The following ATP10B variants were observed in gnomAD, a reference collection of about 807,000 sequenced individuals.
ATP10B encodes the protein ATPase phospholipid transporting 10B (putative), also known as phospholipid-transporting ATPase VB.
ATP10B carries 122 observed loss-of-function variants against 141.2 expected under a neutral mutation model. The observed-to-expected ratio is 0.86, with a 90% CI of 0.75 to 1.00. The LOEUF is 1.00. ATP10B is among the 50% of genes least tolerant of loss of function. ATP10B has a pLI of 0.00. For synonymous variants in ATP10B, 685 were observed against 692.0 expected (o/e 0.99, Z 0.16); for missense variants, 1,876 against 1,825.3 (o/e 1.03, Z -0.51).
chr5:160,636,445 C>CTGTG (rs147139408), intron 10 of ATP10B, 136 bp from the exon 11 acceptor site: 1 of 823,140 alleles, frequency 1.2e-6, no homozygotes, highest in East Asian at 2.9e-5. Flanking sequence ...CAATGTAGCT[C>CTGTG]TGTGTGTGTG....
At chr5:160,601,998 T>A (rs1379359215) in intron 21 of ATP10B, among the ~76,000 whole-genome samples, 1 of 152,232 alleles carries the variant, frequency 6.6e-6, no homozygotes, top group Non-Finnish European at 1.5e-5. Flanking sequence ...TGCACTGAGC[T>A]GGCTCTATAT....
chr5:160,897,603 G>T, the ATP10B span, among the ~76,000 whole-genome samples: 3 of 152,156 alleles, frequency 2.0e-5, no homozygotes, highest in African/African-American at 7.2e-5. Context: ...TCATGCAAAT[G>T]GCCATACTGC....
At chr5:160,704,257 A>G (rs1321060246) in intron 3 of ATP10B, among the ~76,000 whole-genome samples, 1 of 151,956 alleles carries the variant, frequency 6.6e-6, no homozygotes, top group East Asian at 1.9e-4. Context: ...ACAGTTGCCT[A>G]TGTTGCCTAG....
intron 1 of ATP10B, among the ~76,000 whole-genome samples, chr5:160,815,660 G>C (rs979726242): frequency 6.6e-6 from 1 of 152,042 alleles, no homozygotes; most frequent in African/African-American, 2.4e-5. Flanking sequence ...TGCACCAAGT[G>C]GACCTAATAG....
At chr5:160,824,879 G>T (rs186207853) in intron 1 of ATP10B, among the ~76,000 whole-genome samples, 2 of 152,122 alleles carry the variant, frequency 1.3e-5, no homozygotes, top group African/African-American at 4.8e-5. Context: ...GTCCCAATCC[G>T]CCAATTGCTA....
In ATP10B at chr5:160,670,667, T is replaced by G; in HGVS notation, c.471A>C (p.Arg157Ser). The G allele has an allele frequency of 6.2e-7, 1 of 1,612,904 alleles. No individual in the cohort carries two copies. The highest frequency in any genetic ancestry group is 8.5e-7 in the Non-Finnish European group (1 of 1,179,558). Reference sequence around the variant, plus strand: ...ACTTCTGCACATAGGTCTGCTCTTTTCTTGGGTGAGAGAAAGACAGGGTGT... The same window carrying G: ...ACTTCTGCACATAGGTCTGCTCTTTGCTTGGGTGAGAGAAAGACAGGGTGT... ...INCSNIRIYE[R>S]KEQTYVQKCW... The change falls in exon 7 of 26, where the codon AGA (arginine) becomes AGC (serine). Residue 157 changes from arginine to serine, a missense_variant and splice_region_variant. Transcript: ENST00000327245.
chr5:160,573,768 G>T lies in ATP10B; in HGVS notation c.3751-4085C>A, dbSNP rs374105279. 7.4e-3 allele frequency among the ~76,000 whole-genome samples: 1,122 copies of T among 152,272 alleles called. 19 individuals carry two copies. Among genetic ancestry groups the T allele is most frequent in the African/African-American group, 0.024 (1,012 of 41,552 alleles). On this transcript the variant is annotated intron_variant, in intron 24 of 25. Coordinates refer to ENST00000327245, the MANE Select transcript of ATP10B (RefSeq NM_025153.3). ...CTTCTGTGGTCCCTGGTGCCAAAAA[G>T]GTTGGGGACCACTGCTTTAAAATTT...
intron 2 of ATP10B, among the ~76,000 whole-genome samples, chr5:160,775,012 C>A (rs921005617): frequency 6.6e-6 from 1 of 152,216 alleles, no homozygotes; most frequent in African/African-American, 2.4e-5. Flanking sequence ...ACCCACCAGG[C>A]TCCTATGGAG....
intron 2 of ATP10B, among the ~76,000 whole-genome samples, chr5:160,758,384 T>C (rs1283098599): frequency 2.0e-5 from 3 of 152,186 alleles, no homozygotes; most frequent in African/African-American, 7.2e-5. Context: ...TACTACATAC[T>C]TGATACATGG....
intron 4 of ATP10B, 74 bp from the exon 5 acceptor site, chr5:160,688,168 C>T: frequency 6.8e-7 from 1 of 1,465,338 alleles, no homozygotes; most frequent in Non-Finnish European, 9.2e-7. Context: ...TCTCCCCCAT[C>T]CATGCAGGGT....
At chr5:160,585,051 T>C (rs1755800514) in intron 24 of ATP10B, among the ~76,000 whole-genome samples, 2 of 152,352 alleles carry the variant, frequency 1.3e-5, no homozygotes, top group African/African-American at 4.8e-5. Flanking sequence ...TTGATAAATT[T>C]TCATTCTCAA....
intron 2 of ATP10B, among the ~76,000 whole-genome samples, chr5:160,726,657 AGGGGAGGAGGAAGGAGTAGGG>A (rs1040485208): frequency 6.4e-4 from 55 of 85,972 alleles, no homozygotes; most frequent in Non-Finnish European, 1.2e-3. Flanking sequence ...TGGGGGAAGA[AGGGGAGGAGGAAGGAGTAGGG>A]GGGGAGGAGG....
At chr5:160,881,089 CAAG>C in the ATP10B span, among the ~76,000 whole-genome samples, 1 of 152,048 alleles carries the variant, frequency 6.6e-6, no homozygotes, top group Non-Finnish European at 1.5e-5. Flanking sequence ...TAAAAATCAA[CAAG>C]AAAGCAAGCA....
intron 22 of ATP10B, among the ~76,000 whole-genome samples, chr5:160,593,375 A>G (rs923768936): frequency 3.3e-5 from 5 of 152,240 alleles, no homozygotes; most frequent in African/African-American, 1.2e-4. Flanking sequence ...TTAGAAGGAA[A>G]ACTAACAAAT....
rs1439840167 is a variant in ATP10B at position 160,687,804 on chromosome 5, G to A, written c.271C>T (p.His91Tyr). ...FLPRNLFEQF[H>Y]RWANLYFLFL... is the part of the protein sequence containing the mutation. Reference sequence around the variant, plus strand: ...TTCAGACAAGTGGATCTCTACCTATGAAATTGCTCAAAGAGATTCCGGGGC... The same window carrying A: ...TTCAGACAAGTGGATCTCTACCTATAAAATTGCTCAAAGAGATTCCGGGGC... Residue 91 changes from histidine (H) to tyrosine (Y), a missense_variant, in exon 5 of 26, where the codon CAT (histidine) becomes TAT (tyrosine). By Grantham distance (83) the His-to-Tyr change is moderately conservative. Transcript: ENST00000327245. The A allele has an allele frequency of 6.2e-7, 1 of 1,613,448 alleles. No individual in the cohort carries two copies. Among genetic ancestry groups the A allele is most frequent in the African/African-American group, 1.3e-5 (1 of 75,012 alleles).
At chr5:160,717,811 A>C (rs1367280743) in intron 2 of ATP10B, among the ~76,000 whole-genome samples, 2 of 152,202 alleles carry the variant, frequency 1.3e-5, no homozygotes, top group Non-Finnish European at 2.9e-5. Context: ...TGCTGTACTG[A>C]GACACTTAAT....
rs1229448945 is a variant in ATP10B, at chr5:160,565,738, G to C, written c.4101C>G (p.His1367Gln). The C allele has an allele frequency of 6.2e-7, 1 of 1,614,084 alleles. No individual in the cohort carries two copies. Among genetic ancestry groups the C allele is most frequent in the Non-Finnish European group, 8.5e-7 (1 of 1,179,988 alleles). Reference sequence around the variant, plus strand: ...CCTGTCCTGTGATAGATGACACTGGGTGGTGAGTTGGTCGAGCCACTTCGG... The same window carrying C: ...CCTGTCCTGTGATAGATGACACTGGCTGGTGAGTTGGTCGAGCCACTTCGG... Reference protein sequence around the residue: ...PVPEVARPTHHPVSSITGQDF... With the variant: ...PVPEVARPTHQPVSSITGQDF... The change falls in exon 26 of 26, where the codon CAC (histidine) becomes CAG (glutamine). Residue 1367 changes from histidine to glutamine, a missense_variant. Coordinates refer to ENST00000327245, the MANE Select transcript of ATP10B (RefSeq NM_025153.3).
At chr5:160,807,479 T>C (rs144777942) in intron 1 of ATP10B, among the ~76,000 whole-genome samples, 136 of 152,294 alleles carry the variant, frequency 8.9e-4, no homozygotes, top group African/African-American at 3.2e-3. Flanking sequence ...TTGTAAAGAA[T>C]ACTTTGATAA....
rs556183394 is a variant in ATP10B, at chr5:160,673,775, A to G, written c.471-3108T>C. Among the ~76,000 whole-genome samples, 154 of 152,308 alleles carry G rather than the reference A, an allele frequency of 1.0e-3. 6 individuals are homozygous for G. The South Asian group carries it at 0.031, about 31-fold the overall frequency. ...GGTCTCTCTGCTGACTCAGGGGATAATATTTTTCCTTCTTCAAAGTAGCCC... is the reference window on the plus strand; with the variant it reads ...GGTCTCTCTGCTGACTCAGGGGATAGTATTTTTCCTTCTTCAAAGTAGCCC... On this transcript the variant is annotated intron_variant, in intron 6 of 25. Transcript: ENST00000327245.
Sources: allele counts gnomAD v4.1 joint callset (sites outside exome capture counted in the v4.1 genomes callset), GRCh38; gene constraint gnomAD v4.1.1; transcripts MANE v1.5; gene names NCBI Gene and HGNC (gene_info 2026-07-23, HGNC 2026-07-21).